Variants in PROSER3 observed in about 807,000 individuals in gnomAD.
The protein encoded by PROSER3 is proline and serine rich 3.
Under a neutral mutation model 50.2 loss-of-function variants are expected in PROSER3, and 33 were observed. The ratio of observed to expected loss-of-function variants is 0.66; its 90% CI spans 0.50 to 0.88. PROSER3 has a LOEUF of 0.88. Among genes scored for constraint, PROSER3 ranks in the 40% least tolerant of loss-of-function variants. PROSER3 has a pLI of 0.00. For missense variants in PROSER3, 623 were observed against 612.7 expected (o/e 1.02, Z -0.18); for synonymous variants, 266 against 259.3 (o/e 1.03, Z -0.25).
rs757697249 is a variant in PROSER3, at chr19:35,758,231, G to C, written c.11+5G>C. On this transcript the variant is annotated splice_donor_5th_base_variant and intron_variant, in intron 1 of 10. Coordinates refer to ENST00000396908, the Ensembl canonical transcript of PROSER3. Reference sequence around the variant, plus strand: ...GAGCCGCGGGATGGACCGCAGGTGAGGCCGATCGCTCTTCCAGGGACTACA... The same window carrying C: ...GAGCCGCGGGATGGACCGCAGGTGACGCCGATCGCTCTTCCAGGGACTACA... The C allele has an allele frequency of 1.9e-6, 3 of 1,562,546 alleles. No homozygotes were observed. The East Asian group carries it at 7.2e-5, about 37-fold the overall frequency.
intron 3 of PROSER3, among the ~76,000 whole-genome samples, chr19:35,760,900 G>A (rs574245763): frequency 6.6e-6 from 1 of 152,298 alleles, no homozygotes; most frequent in Admixed American, 6.5e-5. Flanking sequence ...TAGATTTGTA[G>A]AATACAGGTT....
chr19:35,759,417 C>A (rs764839782), exon 2 of PROSER3: 2 of 1,613,532 alleles, frequency 1.2e-6, no homozygotes, highest in South Asian at 1.1e-5. Flanking sequence ...TGGAGATGCG[C>A]CCCTGGGTCG....
Position 35,767,970 on chromosome 19 carries a change from C to CT in PROSER3, c.1125dup (p.Pro376SerfsTer12). 1 of 1,607,566 alleles carries CT rather than the reference C, an allele frequency of 6.2e-7. No individual in the cohort carries two copies. The highest frequency in any genetic ancestry group is 8.5e-7 in the Non-Finnish European group (1 of 1,178,648). On this transcript the variant is annotated frameshift_variant, in exon 9 of 11. Coordinates refer to ENST00000396908, the Ensembl canonical transcript of PROSER3. LOFTEE classifies it high-confidence loss of function. Reference sequence around the variant, plus strand: ...TCGCCGCCAGCCTTCCAGGTGGGGTCTCCGGAGGCCCTGGCCCCGCCCCCG... The same window carrying CT: ...TCGCCGCCAGCCTTCCAGGTGGGGTCTTCCGGAGGCCCTGGCCCCGCCCCCG...
chr19:35,761,637 G>A (rs1315317403), intron 3 of PROSER3, among the ~76,000 whole-genome samples: 1 of 151,898 alleles, frequency 6.6e-6, no homozygotes, highest in East Asian at 1.9e-4. Context: ...CTCTAACCTG[G>A]GCAACAAGAG....
intron 5 of PROSER3, among the ~76,000 whole-genome samples, 160 bp from the exon 6 acceptor site, chr19:35,764,694 G>A (rs2146602435): frequency 6.6e-6 from 1 of 152,196 alleles, no homozygotes; most frequent in South Asian, 2.1e-4. Context: ...AATCCAAAGG[G>A]GAAAACTGGG....
chr19:35,759,256 A>G lies in PROSER3; in HGVS notation c.12-118A>G, dbSNP rs978159919. 1.1e-5 allele frequency: 9 copies of G among 791,436 alleles called. No individual in the cohort carries two copies. In the African/African-American group the frequency reaches 1.6e-4, roughly 14 times the overall value. The allele number at this position is 791,436 out of a possible 1,614,324, so 49.0% of individuals were successfully genotyped here. On this transcript the variant is annotated intron_variant, in intron 1 of 10. Transcript: ENST00000396908. ...TGTGCAACGGTGCTTCATGGAAATGACAGTCCGTCTCCTCCAGGAATCTAT... is the reference window on the plus strand; with the variant it reads ...TGTGCAACGGTGCTTCATGGAAATGGCAGTCCGTCTCCTCCAGGAATCTAT...
chr19:35,762,435 G>A (rs1442423774), intron 5 of PROSER3, 79 bp downstream of exon 5: 2 of 1,338,048 alleles, frequency 1.5e-6, no homozygotes, highest in African/African-American at 2.9e-5. Flanking sequence ...AAGATCAGGA[G>A]CAGTGGCTCA....
exon 11 of PROSER3, chr19:35,768,450 C>G: frequency 6.3e-7 from 1 of 1,598,204 alleles, no homozygotes; most frequent in Non-Finnish European, 8.5e-7. Flanking sequence ...GGCTGAAGAC[C>G]TGGGATCTTG....
chr19:35,768,261 T>G (rs941015210), intron 10 of PROSER3, 25 bp downstream of exon 10: 35 of 1,602,854 alleles, frequency 2.2e-5, no homozygotes, highest in Non-Finnish European at 3.0e-5. Context: ...ATCCCCAGAG[T>G]CTATGACACT....
At chr19:35,759,871 T>C in exon 3 of PROSER3, 1 of 1,587,212 alleles carries the variant, frequency 6.3e-7, no homozygotes, top group Non-Finnish European at 8.6e-7. Context: ...TCCCCTGAGC[T>C]GTTTGAGGAG....
exon 6 of PROSER3, chr19:35,764,895 G>T: frequency 6.2e-7 from 1 of 1,613,614 alleles, no homozygotes; most frequent in Non-Finnish European, 8.5e-7. Context: ...ACCTGGAGAC[G>T]CTGAGCCTAC....
chr19:35,768,579 T>G (rs80165934), exon 11 of PROSER3: 7 of 450,970 alleles, frequency 1.6e-5, no homozygotes, highest in Non-Finnish European at 2.2e-5. Context: ...AGTGAGGCTC[T>G]TTTTTTTTTT....
At position 35,762,163 on chromosome 19, in the gene PROSER3, C is replaced by T; in HGVS notation, c.439+17C>T. On this transcript the variant is annotated intron_variant, in intron 4 of 10. Transcript: ENST00000396908. ...GTGCAGCAGGTACCTCTTTCAGTGC[C>T]ATCCACTACTCCCACCCCTAAACCT... 2 of 1,590,664 alleles carry T rather than the reference C, an allele frequency of 1.3e-6. No homozygotes were observed. The highest frequency in any genetic ancestry group is 1.3e-5 in the African/African-American group (1 of 74,688).
chr19:35,763,902 C>A (rs1460216686), intron 5 of PROSER3, among the ~76,000 whole-genome samples: 1 of 150,902 alleles, frequency 6.6e-6, no homozygotes, highest in African/African-American at 2.4e-5. Context: ...TCTTTGCAAC[C>A]TTCGCCTCCT....
At chr19:35,761,007 T>C (rs964289641) in intron 3 of PROSER3, among the ~76,000 whole-genome samples, 3 of 152,242 alleles carry the variant, frequency 2.0e-5, no homozygotes, top group Non-Finnish European at 4.4e-5. Context: ...CCACCAGGGA[T>C]GATGTGGCAA....
chr19:35,761,023 A>G (rs111637306), intron 3 of PROSER3, among the ~76,000 whole-genome samples: 2,583 of 152,326 alleles, frequency 0.017, 88 homozygotes, highest in African/African-American at 0.058. Flanking sequence ...GGCAACCCGT[A>G]GTTGAGGTGT....
chr19:35,758,269 G>A, intron 1 of PROSER3, 43 bp downstream of exon 1: 1 of 1,554,120 alleles, frequency 6.4e-7, no homozygotes, highest in Middle Eastern at 1.7e-4. Flanking sequence ...AGGCTGGGGA[G>A]GACCAACGGC....
intron 7 of PROSER3, among the ~76,000 whole-genome samples, chr19:35,766,530 C>T (rs1971146412): frequency 6.6e-6 from 1 of 151,890 alleles, no homozygotes; most frequent in African/African-American, 2.4e-5. Context: ...CAGAACAAGA[C>T]TATATATATA....
exon 11 of PROSER3, chr19:35,768,827 G>C (rs183449686): frequency 6.1e-5 from 17 of 279,612 alleles, no homozygotes; most frequent in East Asian, 4.4e-4. Context: ...TCACTCAGGA[G>C]CCCTGGCTCA....
Sources: allele counts gnomAD v4.1 joint callset (sites outside exome capture counted in the v4.1 genomes callset), GRCh38; gene constraint gnomAD v4.1.1; transcripts MANE v1.5; gene names NCBI Gene and HGNC (gene_info 2026-07-23, HGNC 2026-07-21).